POTEE: variants seen among roughly 807,000 people sequenced by gnomAD.
POTEE encodes the protein ANKRD26-like family C member 1A.
In POTEE, 21 loss-of-function variants were observed where a neutral mutation model predicts 74.2. The observed-to-expected ratio is 0.28, with a 90% CI of 0.20 to 0.41. The LOEUF (loss-of-function observed/expected upper bound fraction) is 0.41, where lower values mean the gene tolerates loss of function less well. Ranked by LOEUF, POTEE falls within the 10% of genes least tolerant of loss-of-function variation. POTEE has a pLI of 1.00. For synonymous variants in POTEE, 211 were observed against 432.8 expected, an observed-to-expected ratio of 0.49 and a Z score of 6.36; for missense variants, 525 against 1,158.6, an observed-to-expected ratio of 0.45 and a Z score of 7.94.
rs1017675457 is a variant in POTEE, at chr2:131,218,544, G to C, written c.142G>C (p.Asp48His). The change falls in exon 4 of 18, where the codon GAC becomes CAC. Residue 48 changes from aspartate to histidine, a missense_variant. Asp to His is a moderately conservative substitution (Grantham distance 81). Coordinates refer to ENST00000683005, the MANE Select transcript of POTEE (RefSeq NM_001083538.3). ...SGKSNVGTSG[D>H]HDDSAMKTLR... Reference sequence around the variant, plus strand: ...CAAGAGCAACGTGGGCACTTCTGGAGACCACGACGACTCTGCTATGAAGAC... The same window carrying C: ...CAAGAGCAACGTGGGCACTTCTGGACACCACGACGACTCTGCTATGAAGAC... The C allele has an allele frequency of 3.7e-6, 6 of 1,612,702 alleles. No individual in the cohort carries two copies. The highest frequency in any genetic ancestry group is 5.1e-6 in the Non-Finnish European group (6 of 1,179,806).
intron 9 of POTEE, among the ~76,000 whole-genome samples, chr2:131,232,030 A>G (rs1301861822): frequency 6.6e-6 from 1 of 151,996 alleles, no homozygotes; most frequent in Non-Finnish European, 1.5e-5. Context: ...TTACAAAGAA[A>G]ACATTTCTAT....
At chr2:131,233,277 T>C (rs1701020346) in intron 9 of POTEE, among the ~76,000 whole-genome samples, 1 of 151,962 alleles carries the variant, frequency 6.6e-6, no homozygotes, top group South Asian at 2.1e-4. Flanking sequence ...TCATATCTAC[T>C]TAACCCTGCT....
chr2:131,242,428 CT>C (rs1701263895), intron 12 of POTEE, among the ~76,000 whole-genome samples: 1 of 2,134 alleles, frequency 4.7e-4, no homozygotes, highest in African/African-American at 1.2e-3. Context: ...TACTGATGTC[CT>C]TCCTGAAATC....
intron 17 of POTEE, among the ~76,000 whole-genome samples, chr2:131,263,010 C>A (rs1262100032): frequency 6.6e-6 from 1 of 151,630 alleles, no homozygotes; most frequent in African/African-American, 2.4e-5. Flanking sequence ...ATATTTTATG[C>A]CTCTGGGTTT....
chr2:131,253,273 A>G (rs1199113209), intron 16 of POTEE, among the ~76,000 whole-genome samples, 174 bp downstream of exon 16: 197 of 147,718 alleles, frequency 1.3e-3, no homozygotes, highest in African/African-American at 4.8e-3. Flanking sequence ...TTTTCCAGTC[A>G]TTAATTTATT....
At chr2:131,212,652 CT>C (rs1208041243) in intron 2 of POTEE, among the ~76,000 whole-genome samples, 1 of 146,596 alleles carries the variant, frequency 6.8e-6, no homozygotes, top group Non-Finnish European at 1.5e-5. Flanking sequence ...GCAACCTCCG[CT>C]TCCTGGGTTC....
Position 131,230,846 on chromosome 2 carries a change from T to A in POTEE, c.1066T>A (p.Leu356Ile), listed in dbSNP as rs1192125212. ...VSSHHHVICQ[L>I]LSDYKEKQML... ...CATTTTTATACATAGAATTTGCCAG[T>A]TACTTTCTGACTACAAAGAAAAACA... The change falls in exon 9 of 18, where the codon TTA becomes ATA. Residue 356 changes from leucine to isoleucine, a missense_variant. Coordinates refer to ENST00000683005, the MANE Select transcript of POTEE (RefSeq NM_001083538.3). 6.7e-6 allele frequency: 9 copies of A among 1,351,004 alleles called. No homozygotes were observed. In the Admixed American group the frequency reaches 2.1e-4, roughly 31 times the overall value. The allele number at this position is 1,351,004 out of a possible 1,614,324, so 83.7% of individuals were successfully genotyped here.
At chr2:131,233,275 A>G (rs1055755326) in intron 9 of POTEE, among the ~76,000 whole-genome samples, 4 of 151,922 alleles carry the variant, frequency 2.6e-5, no homozygotes, top group South Asian at 4.2e-4. Context: ...TGTCATATCT[A>G]CTTAACCCTG....
intron 9 of POTEE, among the ~76,000 whole-genome samples, chr2:131,231,779 G>A (rs1390768769): frequency 6.6e-6 from 1 of 151,970 alleles, no homozygotes; most frequent in South Asian, 2.1e-4. Flanking sequence ...TATAATAAAA[G>A]CAGAAAAACG....
intron 16 of POTEE, among the ~76,000 whole-genome samples, chr2:131,258,497 A>G (rs1361033405): frequency 2.7e-5 from 4 of 145,712 alleles, no homozygotes; most frequent in Non-Finnish European, 6.1e-5. Flanking sequence ...TGTATGTGAT[A>G]GTCATATTCT....
chr2:131,233,408 A>G (rs957086192), intron 9 of POTEE, among the ~76,000 whole-genome samples: 3 of 152,088 alleles, frequency 2.0e-5, no homozygotes, highest in African/African-American at 4.8e-5. Context: ...CCTGTGGCCT[A>G]TAGTTTGCTG....
intron 1 of POTEE, among the ~76,000 whole-genome samples, chr2:131,210,271 C>T (rs1573689420): frequency 1.2e-5 from 1 of 83,134 alleles, no homozygotes; most frequent in East Asian, 3.7e-4. Flanking sequence ...TGTGCAGCAA[C>T]ACCTGTGGCT....
chr2:131,214,620 A>G (rs1258875252), intron 2 of POTEE, among the ~76,000 whole-genome samples: 2 of 152,154 alleles, frequency 1.3e-5, no homozygotes, highest in Admixed American at 6.5e-5. Flanking sequence ...TGTAAGAAAA[A>G]TAGAAGCTCT....
At chr2:131,213,329 A>C (rs1458306118) in intron 2 of POTEE, among the ~76,000 whole-genome samples, 8 of 150,690 alleles carry the variant, frequency 5.3e-5, no homozygotes, top group Admixed American at 2.6e-4. Flanking sequence ...TTACTACTTT[A>C]GGTGTGAACT....
In POTEE at chr2:131,263,364, A is replaced by G; in HGVS notation, c.1909A>G (p.Ser637Gly). The G allele has an allele frequency of 3.1e-6, 5 of 1,611,184 alleles. No homozygotes were observed. The highest frequency in any genetic ancestry group is 4.2e-6 in the Non-Finnish European group (5 of 1,179,620). ...CTCTTTGTTTACTTAGCTTTCTCTT[A>G]GTTGTAAGAAAGAAAAAGACGTCTT... Reference protein sequence around the residue: ...VEKMNSELSLSCKKEKDVLHE... With the variant: ...VEKMNSELSLGCKKEKDVLHE... Residue 637 changes from serine to glycine, a missense_variant, in exon 18 of 18, where the codon AGT becomes GGT. Physicochemically the swap from Ser to Gly is moderately conservative, Grantham distance 56 (BLOSUM62 0). Coordinates refer to ENST00000683005, the MANE Select transcript of POTEE (RefSeq NM_001083538.3).
intron 9 of POTEE, among the ~76,000 whole-genome samples, chr2:131,236,225 G>A (rs1701129257): frequency 6.6e-6 from 1 of 152,100 alleles, no homozygotes; most frequent in Non-Finnish European, 1.5e-5. Flanking sequence ...AGGGGAAGGG[G>A]AGACAGTAAA....
At chr2:131,210,732 C>T (rs1346918351) in intron 1 of POTEE, among the ~76,000 whole-genome samples, 113 of 148,730 alleles carry the variant, frequency 7.6e-4, no homozygotes, top group African/African-American at 1.8e-3. Flanking sequence ...GTGTCAGGAA[C>T]GGGAACCAGC....
intron 3 of POTEE, 27 bp from the exon 4 acceptor site, chr2:131,218,283 C>T: frequency 6.4e-7 from 1 of 1,564,594 alleles, no homozygotes; most frequent in Non-Finnish European, 8.7e-7. Context: ...CAGGTTTTGG[C>T]TGGGATTGAC....
At chr2:131,215,977 C>T (rs1466649427) in intron 2 of POTEE, among the ~76,000 whole-genome samples, 1 of 151,448 alleles carries the variant, frequency 6.6e-6, no homozygotes, top group Non-Finnish European at 1.5e-5. Flanking sequence ...CCCATTACAG[C>T]TGATAAACAC....
Sources: allele counts gnomAD v4.1 joint callset (sites outside exome capture counted in the v4.1 genomes callset), GRCh38; gene constraint gnomAD v4.1.1; transcripts MANE v1.5; gene names NCBI Gene and HGNC (gene_info 2026-07-23, HGNC 2026-07-21).